Variants in BCAS3 observed in about 807,000 individuals in gnomAD.
The protein encoded by BCAS3 is BCAS3 microtubule associated cell migration factor.
BCAS3 carries 53 observed loss-of-function variants against 116.1 expected under a neutral mutation model. The observed-to-expected ratio is 0.46, with a 90% CI of 0.37 to 0.57. BCAS3 has a LOEUF of 0.57. Ranked by LOEUF, BCAS3 falls within the 20% of genes least tolerant of loss-of-function variation. The pLI is 0.00. For synonymous variants in BCAS3, 391 were observed against 408.2 expected (o/e 0.96, Z 0.51); for missense variants, 917 against 1,165.4 (o/e 0.79, Z 3.10).
At chr17:61,240,496 CA>C (rs1020570649) in intron 22 of BCAS3, among the ~76,000 whole-genome samples, 1 of 150,442 alleles carries the variant, frequency 6.6e-6, no homozygotes, top group African/African-American at 2.4e-5. Context: ...ACTAAAAATA[CA>C]AAAAAAAATA....
rs1195772244 is a variant in BCAS3, at chr17:61,351,931, T to C, written c.2426-16396T>C. 9.8e-5 allele frequency among the ~76,000 whole-genome samples: 15 copies of C among 152,350 alleles called. No individual in the cohort carries two copies. In the East Asian group the frequency reaches 1.2e-3, roughly 12 times the overall value. ...AGGACATACAGCTCGTCTCTAGGCC[T>C]CTTCCCTTTAGAGGGAGGCCTGGAA... On this transcript the variant is annotated intron_variant, in intron 22 of 23. Coordinates refer to ENST00000407086, the MANE Select transcript of BCAS3 (RefSeq NM_017679.5).
intron 19 of BCAS3, among the ~76,000 whole-genome samples, chr17:61,058,031 T>C (rs1356232469): frequency 6.6e-6 from 1 of 152,152 alleles, no homozygotes; most frequent in African/African-American, 2.4e-5. Context: ...TTTCTGGAGT[T>C]CTGACTGTTC....
intron 22 of BCAS3, among the ~76,000 whole-genome samples, chr17:61,230,733 A>G (rs2082626551): frequency 6.6e-6 from 1 of 152,130 alleles, no homozygotes; most frequent in Non-Finnish European, 1.5e-5. Flanking sequence ...ACTATTGTGA[A>G]TAGTGTGGCA....
rs925426664 is a variant in BCAS3, at chr17:61,349,471, C to T, written c.2426-18856C>T. ...GAAATTCTGCACTTAGATTATTGGT[C>T]CAGTGGAAATTCTGCACTTAGATTA... On this transcript the variant is annotated intron_variant, in intron 22 of 23. Transcript: ENST00000407086. The surrounding 1 kb of genome is among the most constrained non-coding windows in gnomAD (Gnocchi z 4.7). 1.4e-5 allele frequency among the ~76,000 whole-genome samples: 2 copies of T among 147,920 alleles called. No homozygotes were observed. The highest frequency in any genetic ancestry group is 6.8e-5 in the Admixed American group (1 of 14,780).
intron 6 of BCAS3, chr17:60,748,985 A>G (rs2042226539): frequency 6.6e-6 from 1 of 152,216 alleles, no homozygotes; most frequent in Non-Finnish European, 1.5e-5. Flanking sequence ...AAAAAGTAGA[A>G]CAAGGAGTTC....
chr17:61,008,837 G>C lies in BCAS3; in HGVS notation c.1487-6914G>C, dbSNP rs1198071386. On this transcript the variant is annotated intron_variant, in intron 15 of 23. Coordinates refer to ENST00000407086, the MANE Select transcript of BCAS3 (RefSeq NM_017679.5). The surrounding 1 kb of genome is among the most constrained non-coding windows in gnomAD (Gnocchi z 4.6). The stretch of plus-strand genomic sequence containing the variant: ...TTGCAAAGAGGGCAAAAATAAAGGA[G>C]ATATTTGGGACTGGGGCTGTTTCCG... Among the ~76,000 whole-genome samples the C allele has an allele frequency of 6.6e-6, 1 of 152,024 alleles. No individual in the cohort carries two copies. Among genetic ancestry groups the C allele is most frequent in the East Asian group, 1.9e-4 (1 of 5,192 alleles).
intron 4 of BCAS3, among the ~76,000 whole-genome samples, chr17:60,703,952 G>C (rs2036783733): frequency 6.7e-6 from 1 of 149,262 alleles, no homozygotes; most frequent in Admixed American, 6.7e-5. Context: ...AAAAAAGAAA[G>C]ACTTACTATA....
rs2070997599 is a variant in BCAS3 at position 61,068,745 on chromosome 17, C to T, written c.2030-6175C>T. On this transcript the variant is annotated intron_variant, in intron 19 of 23. Coordinates refer to ENST00000407086, the MANE Select transcript of BCAS3 (RefSeq NM_017679.5). The surrounding 1 kb of genome is among the most constrained non-coding windows in gnomAD (Gnocchi z 4.3). ...GTTTCCCACTCCTCTTTGTGACCCT[C>T]TTTTTTCCCCTTTCTGTCTCTGCCA... is the stretch of plus-strand genomic sequence containing the variant. Among the ~76,000 whole-genome samples, 1 of 152,174 alleles carries T rather than the reference C, an allele frequency of 6.6e-6. No homozygotes were observed. Among genetic ancestry groups the T allele is most frequent in the South Asian group, 2.1e-4 (1 of 4,832 alleles).
rs142989187 is a variant in BCAS3, at chr17:61,251,735, A to G, written c.2426-116592A>G. On this transcript the variant is annotated intron_variant, in intron 22 of 23. Transcript: ENST00000407086. This position sits in a 1 kb window ranked among gnomAD's most constrained non-coding sequence, Gnocchi z 4.7. ...TCTGCAGATAATCTGGCCCCCATAA[A>G]AAAGCAATAGCAACTGGGAAAAGGC... is the stretch of plus-strand genomic sequence containing the variant. Among the ~76,000 whole-genome samples the G allele has an allele frequency of 3.5e-4, 53 of 152,332 alleles. No individual in the cohort carries two copies. Among genetic ancestry groups the G allele is most frequent in the Non-Finnish European group, 6.6e-4 (45 of 68,030 alleles).
rs1415169770 is a variant in BCAS3 at position 61,378,693 on chromosome 17, A to T, written c.2593+10199A>T. The T allele has an allele frequency of 6.6e-6, 1 of 152,212 alleles. No individual in the cohort carries two copies. Among genetic ancestry groups the T allele is most frequent in the Non-Finnish European group, 1.5e-5 (1 of 68,050 alleles). The allele number at this position is 152,212 out of a possible 1,614,324, so 9.4% of individuals were successfully genotyped here. A position where few individuals can be genotyped will look rare whatever the true frequency, so the allele number is the denominator to read the frequency against. ...CAGTTAATGTTTGTTGAGTGACTGG[A>T]TGGGTTTCTGTGGCCCCTGAGAGGT... On this transcript the variant is annotated intron_variant, in intron 23 of 23. Coordinates refer to ENST00000407086, the MANE Select transcript of BCAS3 (RefSeq NM_017679.5). The surrounding 1 kb of genome is among the most constrained non-coding windows in gnomAD (Gnocchi z 5.8).
intron 22 of BCAS3, among the ~76,000 whole-genome samples, chr17:61,329,776 G>A (rs568919280): frequency 6.1e-4 from 77 of 126,196 alleles, no homozygotes; most frequent in African/African-American, 2.0e-3. Context: ...TCCATCCTAC[G>A]TTCGTCCTCG....
chr17:60,680,134 CA>C (rs11442352), intron 2 of BCAS3, among the ~76,000 whole-genome samples: 29 of 108,368 alleles, frequency 2.7e-4, no homozygotes, highest in Admixed American at 7.7e-4. Context: ...ACTCTGTCTC[CA>C]AAAAAAAAAA....
rs184233029 is a variant in BCAS3 at position 61,213,029 on chromosome 17, T to C, written c.2425+128465T>C. On this transcript the variant is annotated intron_variant, in intron 22 of 23. Transcript: ENST00000407086. The surrounding 1 kb of genome is among the most constrained non-coding windows in gnomAD (Gnocchi z 5.4). ...GTTTTAGATTTGAATCCCAACTAGATAGTTTGGGATAGTTCTTTGGGGCAG... is the reference window on the plus strand; with the variant it reads ...GTTTTAGATTTGAATCCCAACTAGACAGTTTGGGATAGTTCTTTGGGGCAG... Among the ~76,000 whole-genome samples the C allele has an allele frequency of 6.6e-6, 1 of 152,320 alleles. No homozygotes were observed. The highest frequency in any genetic ancestry group is 2.4e-5 in the African/African-American group (1 of 41,584).
At chr17:60,854,514 C>A (rs2053484712) in intron 7 of BCAS3, among the ~76,000 whole-genome samples, 1 of 152,026 alleles carries the variant, frequency 6.6e-6, no homozygotes, top group Non-Finnish European at 1.5e-5. Context: ...AAAAAACAAC[C>A]CCATCAAAAA....
intron 18 of BCAS3, among the ~76,000 whole-genome samples, chr17:61,039,523 C>T (rs1314390187): frequency 6.6e-6 from 1 of 151,810 alleles, no homozygotes; most frequent in Non-Finnish European, 1.5e-5. Flanking sequence ...CCCAGGTTCA[C>T]ACCATTCTCC....
intron 10 of BCAS3, among the ~76,000 whole-genome samples, chr17:60,899,585 C>T (rs1284196543): frequency 2.0e-5 from 3 of 152,244 alleles, no homozygotes; most frequent in South Asian, 2.1e-4. Flanking sequence ...GAAACCTCCA[C>T]TTCCTGGGTT....
At chr17:60,986,135 A>G (rs1175332595) in intron 14 of BCAS3, among the ~76,000 whole-genome samples, 1 of 152,190 alleles carries the variant, frequency 6.6e-6, no homozygotes, top group Non-Finnish European at 1.5e-5. Flanking sequence ...AATAACCTCC[A>G]GTTCTGTCCA....
intron 7 of BCAS3, among the ~76,000 whole-genome samples, chr17:60,829,392 G>C (rs2050717900): frequency 6.6e-6 from 1 of 151,844 alleles, no homozygotes; most frequent in Non-Finnish European, 1.5e-5. Flanking sequence ...TACTCGGGAG[G>C]CTGAGGCAGG....
intron 22 of BCAS3, among the ~76,000 whole-genome samples, chr17:61,170,469 G>A (rs1026944992): frequency 6.6e-6 from 1 of 151,488 alleles, no homozygotes; most frequent in Non-Finnish European, 1.5e-5. Flanking sequence ...ATTTTTTGTA[G>A]TTTTAGTAGA....
Sources: allele counts gnomAD v4.1 joint callset (sites outside exome capture counted in the v4.1 genomes callset), GRCh38; gene constraint gnomAD v4.1.1; non-coding constraint Gnocchi (gnomAD v3.1); transcripts MANE v1.5; gene names NCBI Gene and HGNC (gene_info 2026-07-23, HGNC 2026-07-21).